The following CSNK2A2IP variants were observed in gnomAD, a reference collection of about 807,000 sequenced individuals.
The protein encoded by CSNK2A2IP is casein kinase II subunit alpha'-interacting protein.
chr3:88,445,422 G>A, the CSNK2A2IP span, among the ~76,000 whole-genome samples: 9 of 151,876 alleles, frequency 5.9e-5, no homozygotes, highest in Non-Finnish European at 1.0e-4. Flanking sequence ...TAGCCCAGGC[G>A]ACAAAACGAA....
chr3:88,407,322 G>A, the CSNK2A2IP span, among the ~76,000 whole-genome samples: 2 of 150,084 alleles, frequency 1.3e-5, no homozygotes, highest in Admixed American at 6.6e-5. Context: ...AGGAGAGGGA[G>A]GGTCTGAATG....
the CSNK2A2IP span, among the ~76,000 whole-genome samples, chr3:88,439,665 C>T: frequency 6.8e-6 from 1 of 147,748 alleles, no homozygotes; most frequent in African/African-American, 2.5e-5. Flanking sequence ...TTGCTTGAAC[C>T]AGGGAGTCGG....
chr3:88,413,513 C>A, the CSNK2A2IP span, among the ~76,000 whole-genome samples: 1 of 151,806 alleles, frequency 6.6e-6, no homozygotes, highest in Non-Finnish European at 1.5e-5. Context: ...ATAATATTTT[C>A]CTTCTTGGGA....
At chr3:88,366,673 A>G in the CSNK2A2IP span, among the ~76,000 whole-genome samples, 2 of 152,068 alleles carry the variant, frequency 1.3e-5, no homozygotes, top group Non-Finnish European at 2.9e-5. Flanking sequence ...ATATTGAAGG[A>G]GGGGGAAGGC....
chr3:88,369,076 A>T, the CSNK2A2IP span, among the ~76,000 whole-genome samples: 2 of 152,054 alleles, frequency 1.3e-5, no homozygotes, highest in Non-Finnish European at 2.9e-5. Context: ...CTTCATGGCA[A>T]AAAGAAGGAC....
the CSNK2A2IP span, among the ~76,000 whole-genome samples, chr3:88,340,825 T>A: frequency 1.3e-5 from 2 of 151,960 alleles, no homozygotes; most frequent in Admixed American, 6.6e-5. Context: ...TGTTCAATGG[T>A]ACATGATATT....
At chr3:88,367,048 C>T in the CSNK2A2IP span, among the ~76,000 whole-genome samples, 7 of 152,158 alleles carry the variant, frequency 4.6e-5, no homozygotes, top group East Asian at 1.4e-3. Context: ...GTCCCTCCCA[C>T]AATACATGGG....
chr3:88,432,768 T>C, the CSNK2A2IP span, among the ~76,000 whole-genome samples: 1 of 150,494 alleles, frequency 6.6e-6, no homozygotes, highest in East Asian at 1.9e-4. Flanking sequence ...TATTATATGG[T>C]ATTATATTAA....
chr3:88,453,703 A>T, the CSNK2A2IP span, among the ~76,000 whole-genome samples: 1 of 151,898 alleles, frequency 6.6e-6, no homozygotes, highest in Middle Eastern at 3.4e-3. Context: ...GACTGGTGGG[A>T]CTCTGTTTTA....
the CSNK2A2IP span, among the ~76,000 whole-genome samples, chr3:88,341,851 G>A: frequency 1.3e-5 from 2 of 151,766 alleles, no homozygotes; most frequent in Non-Finnish European, 2.9e-5. Context: ...TATACATTTT[G>A]GTATGTTTGA....
At chr3:88,450,652 G>A in the CSNK2A2IP span, among the ~76,000 whole-genome samples, 1 of 151,998 alleles carries the variant, frequency 6.6e-6, no homozygotes, top group Non-Finnish European at 1.5e-5. Flanking sequence ...GTATTATGTT[G>A]TGTATATATA....
chr3:88,441,862 T>C, the CSNK2A2IP span, among the ~76,000 whole-genome samples: 1 of 152,186 alleles, frequency 6.6e-6, no homozygotes, highest in African/African-American at 2.4e-5. Context: ...AGACATTTTC[T>C]CCAGCTAGAG....
At chr3:88,450,109 T>C in the CSNK2A2IP span, among the ~76,000 whole-genome samples, 1 of 151,768 alleles carries the variant, frequency 6.6e-6, no homozygotes, top group Non-Finnish European at 1.5e-5. Flanking sequence ...CCTCAAGTGA[T>C]CCTCCCGCCT....
chr3:88,447,855 T>C, the CSNK2A2IP span, among the ~76,000 whole-genome samples: 1 of 152,134 alleles, frequency 6.6e-6, no homozygotes. Context: ...AACAAAAATA[T>C]ACAGTTTTAT....
At chr3:88,406,061 T>A in the CSNK2A2IP span, among the ~76,000 whole-genome samples, 1 of 152,084 alleles carries the variant, frequency 6.6e-6, no homozygotes, top group African/African-American at 2.4e-5. Flanking sequence ...ATAAAAAATA[T>A]ATAATCTTTT....
the CSNK2A2IP span, among the ~76,000 whole-genome samples, chr3:88,400,524 G>A: frequency 2.6e-5 from 4 of 152,156 alleles, no homozygotes; most frequent in Non-Finnish European, 5.9e-5. Flanking sequence ...GATTATCATG[G>A]ATTATCATAG....
chr3:88,465,853 G>A, the CSNK2A2IP span: 1 of 1,231,670 alleles, frequency 8.1e-7, no homozygotes, highest in Non-Finnish European at 1.0e-6. Context: ...AAGCCTAGAT[G>A]TTTGCTGGAG....
the CSNK2A2IP span, among the ~76,000 whole-genome samples, chr3:88,443,890 AT>A: frequency 1.9e-4 from 9 of 47,988 alleles, no homozygotes; most frequent in South Asian, 6.9e-4. Flanking sequence ...AATTAGAGTA[AT>A]AAAAAAAAAA....
chr3:88,466,815 AT>A, the CSNK2A2IP span: 5 of 896,042 alleles, frequency 5.6e-6, no homozygotes, highest in South Asian at 2.3e-4. Context: ...TAAAATCTCC[AT>A]GTAACCATCT....
Sources: gnomAD v4.1 joint callset for allele counts (sites outside exome capture counted in the v4.1 genomes callset) on GRCh38, gnomAD v4.1.1 for gene constraint, MANE v1.5 for transcripts, NCBI Gene and HGNC (gene_info 2026-07-23, HGNC 2026-07-21) for gene names.